Variants in WASL observed in about 807,000 individuals in gnomAD.
WASL encodes WASP like actin nucleation promoting factor, also known as actin nucleation-promoting factor WASL.
In WASL, 20 loss-of-function variants were observed where a neutral mutation model predicts 55.5. The observed-to-expected ratio is 0.36, with a 90% CI of 0.25 to 0.52. WASL has a LOEUF of 0.52. Among genes scored for constraint, WASL ranks in the 20% least tolerant of loss-of-function variants. The pLI, the probability that WASL is intolerant of heterozygous loss-of-function variation, is 0.92. For synonymous variants in WASL, 249 were observed against 217.6 expected (o/e 1.14, Z -1.27); for missense variants, 504 against 622.5 (o/e 0.81, Z 2.03).
chr7:123,744,252 A>C (rs1031418267), intron 1 of WASL, among the ~76,000 whole-genome samples: 27 of 152,312 alleles, frequency 1.8e-4, no homozygotes, highest in African/African-American at 6.5e-4. Flanking sequence ...TCGCTTAATA[A>C]ATGAAGACTA....
At chr7:123,714,956 T>C (rs1182860573) in intron 1 of WASL, among the ~76,000 whole-genome samples, 3 of 152,162 alleles carry the variant, frequency 2.0e-5, no homozygotes, top group East Asian at 1.9e-4. Flanking sequence ...GACCCTACCA[T>C]AGGAAAGTTT....
chr7:123,688,997 ACTCTCTCTGTCT>A, intron 10 of WASL, 33 bp downstream of exon 10: 1 of 1,432,596 alleles, frequency 7.0e-7, no homozygotes, highest in Middle Eastern at 2.1e-4. Context: ...ACACACGCAC[ACTCTCTCTGTCT>A]CTCTCTCTCT....
chr7:123,727,406 C>G (rs563462015), intron 1 of WASL, among the ~76,000 whole-genome samples: 38 of 144,134 alleles, frequency 2.6e-4, no homozygotes, highest in South Asian at 1.1e-3. Flanking sequence ...AACACAGGAG[C>G]CTTATTCATA....
chr7:123,689,794 T>A (rs200274761), intron 9 of WASL, among the ~76,000 whole-genome samples: 11 of 103,170 alleles, frequency 1.1e-4, no homozygotes, highest in Non-Finnish European at 2.3e-4. Flanking sequence ...AAAAAAAAAA[T>A]TATAATTAAA....
In WASL at chr7:123,748,993, C is replaced by T. The variant is rs1044016294; in HGVS notation, c.-259G>A. The T allele has an allele frequency of 2.0e-6, 1 of 497,422 alleles. No individual in the cohort carries two copies. Among genetic ancestry groups the T allele is most frequent in the Non-Finnish European group, 3.5e-6 (1 of 284,114 alleles). The allele number at this position is 497,422 out of a possible 1,614,324, so 30.8% of individuals were successfully genotyped here. ...GCCGGATGGTCGTTGTCCTCGCACT[C>T]CGGCGACTGCGCTAAACTCCCAACT... is the stretch of plus-strand genomic sequence containing the variant. On this transcript the variant is annotated 5_prime_UTR_variant, in exon 1 of 11. Coordinates refer to ENST00000223023, the MANE Select transcript of WASL (RefSeq NM_003941.4).
chr7:123,712,093 G>C (rs1285213223), intron 1 of WASL, among the ~76,000 whole-genome samples: 1 of 152,156 alleles, frequency 6.6e-6, no homozygotes, highest in Non-Finnish European at 1.5e-5. Context: ...CTCTGCACCA[G>C]TTGAGAAGTA....
intron 10 of WASL, among the ~76,000 whole-genome samples, chr7:123,687,041 C>A (rs1803303645): frequency 6.6e-6 from 1 of 152,084 alleles, no homozygotes; most frequent in Admixed American, 6.5e-5. Context: ...AAATCAAACT[C>A]CTAATCTTCC....
chr7:123,702,951 GCAC>G (rs1267513864), intron 5 of WASL, among the ~76,000 whole-genome samples: 1 of 152,008 alleles, frequency 6.6e-6, no homozygotes, highest in Non-Finnish European at 1.5e-5. Flanking sequence ...TGTTTCGATG[GCAC>G]CACTAGAAAG....
At chr7:123,720,682 A>C (rs1355671398) in intron 1 of WASL, among the ~76,000 whole-genome samples, 2 of 143,610 alleles carry the variant, frequency 1.4e-5, no homozygotes, top group Non-Finnish European at 3.0e-5. Flanking sequence ...ATGGAGTCTC[A>C]TTCTCTCGCC....
intron 5 of WASL, among the ~76,000 whole-genome samples, chr7:123,699,958 C>T (rs1269003760): frequency 1.1e-4 from 16 of 151,848 alleles, no homozygotes; most frequent in African/African-American, 3.4e-4. Flanking sequence ...GGGCGGATCA[C>T]GAGGTCAGGA....
chr7:123,729,640 C>T (rs563497523), intron 1 of WASL, among the ~76,000 whole-genome samples: 21 of 152,250 alleles, frequency 1.4e-4, no homozygotes, highest in African/African-American at 5.1e-4. Context: ...TACAATGTAG[C>T]ACTAAAATAA....
At chr7:123,734,393 C>G (rs777318192) in intron 1 of WASL, among the ~76,000 whole-genome samples, 26 of 152,032 alleles carry the variant, frequency 1.7e-4, no homozygotes, top group Admixed American at 3.9e-4. Flanking sequence ...TGGTCAACAT[C>G]ATATGGCATT....
chr7:123,703,393 A>G (rs1271105550), intron 5 of WASL, among the ~76,000 whole-genome samples: 1 of 152,194 alleles, frequency 6.6e-6, no homozygotes, highest in Non-Finnish European at 1.5e-5. Context: ...CAGGTAGTAA[A>G]AGATCATTAA....
intron 5 of WASL, among the ~76,000 whole-genome samples, chr7:123,700,347 G>A (rs1394480825): frequency 6.6e-6 from 1 of 151,980 alleles, no homozygotes; most frequent in Non-Finnish European, 1.5e-5. Flanking sequence ...GTAAGAGTCA[G>A]GTGATCTTTA....
rs1803983599 is a variant in WASL, at chr7:123,723,272, T to G, written c.118-14049A>C. 2.0e-5 allele frequency among the ~76,000 whole-genome samples: 3 copies of G among 152,326 alleles called. No individual in the cohort carries two copies. In the South Asian group the frequency reaches 6.2e-4, roughly 32 times the overall value. On this transcript the variant is annotated intron_variant, in intron 1 of 10. Coordinates refer to ENST00000223023, the MANE Select transcript of WASL (RefSeq NM_003941.4). ...CTAGTAATGAAAAGACTAATATTTC[T>G]TTTATTTTCAGTATGTTGGTCAATT...
intron 5 of WASL, among the ~76,000 whole-genome samples, chr7:123,703,076 A>G (rs1457674504): frequency 6.6e-6 from 1 of 152,216 alleles, no homozygotes; most frequent in Non-Finnish European, 1.5e-5. Flanking sequence ...CTACTACTAC[A>G]TTAAAAGTTC....
chr7:123,705,414 T>G (rs1215975420), intron 4 of WASL, among the ~76,000 whole-genome samples: 4 of 152,198 alleles, frequency 2.6e-5, no homozygotes, highest in African/African-American at 9.6e-5. Flanking sequence ...GTGTTAAGTC[T>G]AAAGGCTATT....
intron 5 of WASL, among the ~76,000 whole-genome samples, chr7:123,700,911 G>GA (rs1294003349): frequency 5.3e-5 from 8 of 152,002 alleles, no homozygotes; most frequent in Admixed American, 6.5e-5. Flanking sequence ...ACAGAATTTA[G>GA]AAAAAAATGG....
At chr7:123,744,015 T>C (rs1413839089) in intron 1 of WASL, among the ~76,000 whole-genome samples, 1 of 152,246 alleles carries the variant, frequency 6.6e-6, no homozygotes, top group Non-Finnish European at 1.5e-5. Context: ...ATTTTAACTT[T>C]TATCTTTCCT....
Sources: allele counts gnomAD v4.1 joint callset (sites outside exome capture counted in the v4.1 genomes callset), GRCh38; gene constraint gnomAD v4.1.1; transcripts MANE v1.5; gene names NCBI Gene and HGNC (gene_info 2026-07-23, HGNC 2026-07-21).